The following SPTBN2 variants were observed in gnomAD, a reference collection of about 807,000 sequenced individuals.
SPTBN2 encodes the protein spectrin beta, non-erythrocytic 2, also known as spectrin beta chain, non-erythrocytic 2.
SPTBN2 carries 107 observed loss-of-function variants against 284.2 expected under a neutral mutation model. The observed-to-expected ratio is 0.38, with a 90% CI of 0.32 to 0.44. SPTBN2 has a LOEUF of 0.44. Among genes scored for constraint, SPTBN2 ranks in the 20% least tolerant of loss-of-function variants. The pLI, the probability that SPTBN2 is intolerant of heterozygous loss-of-function variation, is 1.00. For missense variants in SPTBN2, 2,569 were observed against 3,287.1 expected, an observed-to-expected ratio of 0.78 and a Z score of 5.34; for synonymous variants, 1,289 against 1,354.8, an observed-to-expected ratio of 0.95 and a Z score of 1.07.
At chr11:66,727,485 C>T (rs77172959) in intron 1 of SPTBN2, among the ~76,000 whole-genome samples, 3,058 of 152,334 alleles carry the variant, frequency 0.02, 114 homozygotes, top group African/African-American at 0.068. Context: ...GCACCGGAGC[C>T]GGAACACCCC....
At chr11:66,722,100 G>A (rs1942432123) in intron 1 of SPTBN2, among the ~76,000 whole-genome samples, 1 of 152,172 alleles carries the variant, frequency 6.6e-6, no homozygotes, top group Admixed American at 6.5e-5. Flanking sequence ...GTTCAAAGGA[G>A]GACACAGTAT....
chr11:66,715,816 T>C lies in SPTBN2; in HGVS notation c.309+14A>G. 1 of 1,613,768 alleles carries C rather than the reference T, an allele frequency of 6.2e-7. No homozygotes were observed. Among genetic ancestry groups the C allele is most frequent in the Non-Finnish European group, 8.5e-7 (1 of 1,179,908 alleles). On this transcript the variant is annotated intron_variant, in intron 4 of 37. Coordinates refer to ENST00000533211, the MANE Select transcript of SPTBN2 (RefSeq NM_006946.4). The surrounding 1 kb of genome is among the most constrained non-coding windows in gnomAD (Gnocchi z 5.3). ...TCTAAGGCCCCCCCACTTCCCTTCA[T>C]GACCACAGCTCACCAGTATCTCTCC...
intron 27 of SPTBN2, among the ~76,000 whole-genome samples, chr11:66,690,545 T>A (rs1940471660): frequency 6.6e-6 from 1 of 152,136 alleles, no homozygotes; most frequent in Non-Finnish European, 1.5e-5. Context: ...CAGAGGCCTG[T>A]CTAGGATGTG....
Position 66,714,500 on chromosome 11 carries a change from A to C in SPTBN2, c.484-93T>G. ...GATAAATGGCAGGAAACTGCTCTTT[A>C]GACTGTGGTAATGGGGTGGACAGGC... On this transcript the variant is annotated intron_variant, in intron 5 of 37. Coordinates refer to ENST00000533211, the MANE Select transcript of SPTBN2 (RefSeq NM_006946.4). 4.4e-6 allele frequency: 5 copies of C among 1,136,010 alleles called. No individual in the cohort carries two copies. The South Asian group carries it at 5.0e-5, about 11-fold the overall frequency. 70.4% of individuals were successfully genotyped at this position (1,136,010 alleles called of 1,614,324 possible). A position where few individuals can be genotyped will look rare whatever the true frequency, so the allele number is the denominator to read the frequency against.
Position 66,689,275 on chromosome 11 carries a change from CT to C in SPTBN2, c.5950-96del, listed in dbSNP as rs939060115. On this transcript the variant is annotated intron_variant, in intron 29 of 37. Coordinates refer to ENST00000533211, the MANE Select transcript of SPTBN2 (RefSeq NM_006946.4). ...ATCCAGGGGGACAGGTGATTTCTTTCTTTCTTTCTTTTTTTTGAGACGGAGT... is the reference window on the plus strand; with the variant it reads ...ATCCAGGGGGACAGGTGATTTCTTTCTTCTTTCTTTTTTTTGAGACGGAGT... 5.2e-5 allele frequency: 70 copies of C among 1,334,932 alleles called. No homozygotes were observed. The African/African-American group carries it at 9.7e-4, about 18-fold the overall frequency. The allele number at this position is 1,334,932 out of a possible 1,614,324, so 82.7% of individuals were successfully genotyped here. A position where few individuals can be genotyped will look rare whatever the true frequency, so the allele number is the denominator to read the frequency against.
At chr11:66,741,457 C>A (rs888063600) in intron 1 of SPTBN2, among the ~76,000 whole-genome samples, 1 of 152,110 alleles carries the variant, frequency 6.6e-6, no homozygotes, top group Non-Finnish European at 1.5e-5. Flanking sequence ...TACCCAGTGT[C>A]GGGTATGTCT....
chr11:66,713,250 C>T (rs1487457558), intron 8 of SPTBN2, among the ~76,000 whole-genome samples: 1 of 151,330 alleles, frequency 6.6e-6, no homozygotes, highest in African/African-American at 2.4e-5. Context: ...AAATGATTGT[C>T]ACACCATAAA....
intron 21 of SPTBN2, among the ~76,000 whole-genome samples, chr11:66,695,268 A>T (rs553127445): frequency 6.6e-6 from 1 of 152,152 alleles, no homozygotes; most frequent in Non-Finnish European, 1.5e-5. Context: ...TTTTTAAAAA[A>T]TTTTTTGAGA....
Position 66,708,019 on chromosome 11 carries a change from C to G in SPTBN2, c.1350+122G>C. 1 of 1,526,784 alleles carries G rather than the reference C, an allele frequency of 6.5e-7. No individual in the cohort carries two copies. Among genetic ancestry groups the G allele is most frequent in the South Asian group, 1.1e-5 (1 of 87,292 alleles). 94.6% of individuals were successfully genotyped at this position (1,526,784 alleles called of 1,614,324 possible). A position where few individuals can be genotyped will look rare whatever the true frequency, so the allele number is the denominator to read the frequency against. ...GGCCCCTGGCTCCCGGACCTCTAGGCCTTTTTACCCAGGTGACGGATTTTG... is the reference window on the plus strand; with the variant it reads ...GGCCCCTGGCTCCCGGACCTCTAGGGCTTTTTACCCAGGTGACGGATTTTG... On this transcript the variant is annotated intron_variant, in intron 12 of 37. Coordinates refer to ENST00000533211, the MANE Select transcript of SPTBN2 (RefSeq NM_006946.4). This position sits in a 1 kb window ranked among gnomAD's most constrained non-coding sequence, Gnocchi z 4.4.
intron 22 of SPTBN2, 90 bp downstream of exon 22, chr11:66,694,049 G>T: frequency 1.3e-6 from 2 of 1,493,814 alleles, no homozygotes; most frequent in South Asian, 1.1e-5. Flanking sequence ...AGGGAATAGA[G>T]CCCTGCTGGC....
chr11:66,698,932 C>A (rs911215894), intron 19 of SPTBN2, 60 bp downstream of exon 19: 12 of 1,607,698 alleles, frequency 7.5e-6, no homozygotes, highest in Non-Finnish European at 7.7e-6. Context: ...TGGACTTATT[C>A]TAGGCTCAAG....
In SPTBN2 at chr11:66,708,303, T is replaced by C. The variant is rs1941677378; in HGVS notation, c.1192-4A>G. Reference sequence around the variant, plus strand: ...CCTTCTCCAGCCGCTCCCAAGCCTATGGGGTGGGGACAGGGTTAGTGGAAG... The same window carrying C: ...CCTTCTCCAGCCGCTCCCAAGCCTACGGGGTGGGGACAGGGTTAGTGGAAG... On this transcript the variant is annotated splice_polypyrimidine_tract_variant and splice_region_variant and intron_variant, in intron 11 of 37. Transcript: ENST00000533211. The surrounding 1 kb of genome is among the most constrained non-coding windows in gnomAD (Gnocchi z 4.4). The C allele has an allele frequency of 2.5e-6, 4 of 1,583,114 alleles. No homozygotes were observed. The highest frequency in any genetic ancestry group is 2.3e-5 in the South Asian group (2 of 88,072).
chr11:66,701,332 G>A, intron 16 of SPTBN2, 50 bp from the exon 17 acceptor site: 2 of 1,602,060 alleles, frequency 1.2e-6, no homozygotes, highest in Non-Finnish European at 8.5e-7. Context: ...GGCCTGTTTG[G>A]AAGCTTCTTC....
chr11:66,730,347 G>A (rs140345234), upstream of SPTBN2, among the ~76,000 whole-genome samples: 1,647 of 152,030 alleles, frequency 0.011, 37 homozygotes, highest in African/African-American at 0.037. Flanking sequence ...ACTTTGGGAG[G>A]CCGAGGCAGG....
intron 1 of SPTBN2, among the ~76,000 whole-genome samples, chr11:66,740,178 A>G (rs1388045160): frequency 6.6e-6 from 1 of 152,236 alleles, no homozygotes; most frequent in African/African-American, 2.4e-5. Flanking sequence ...GAGAAATCAG[A>G]CTTTGTGCAA....
At position 66,691,543 on chromosome 11, in the gene SPTBN2, C is replaced by A; in HGVS notation, c.5306G>T (p.Arg1769Leu). ...GTCCTTCCACTCGGCCACGGTGGCC[C>A]GTGCAGCATGGCCCCCAGCAATGAG... is the stretch of plus-strand genomic sequence containing the variant. ...NGLIAGGHAA[R>L]ATVAEWKDSL... Residue 1769 changes from arginine (R) to leucine (L), a missense_variant, in exon 27 of 38, where the codon CGG becomes CTG. Arg to Leu is a moderately radical substitution (Grantham distance 102, BLOSUM62 -2). Transcript: ENST00000533211. This position sits in a 1 kb window ranked among gnomAD's most constrained non-coding sequence, Gnocchi z 8.0. The A allele has an allele frequency of 6.2e-7, 1 of 1,613,266 alleles. No individual in the cohort carries two copies. Among genetic ancestry groups the A allele is most frequent in the Non-Finnish European group, 8.5e-7 (1 of 1,180,046 alleles).
intron 1 of SPTBN2, among the ~76,000 whole-genome samples, chr11:66,744,190 A>G (rs1942932790): frequency 1.3e-5 from 2 of 152,284 alleles, no homozygotes; most frequent in East Asian, 3.9e-4. Context: ...TCAGATTAGT[A>G]ATTTTTTAGT....
intron 31 of SPTBN2, 114 bp downstream of exon 31, chr11:66,688,539 A>C: frequency 6.7e-7 from 1 of 1,489,028 alleles, no homozygotes; most frequent in Non-Finnish European, 9.1e-7. Context: ...CTCAGCTCAC[A>C]TCTGGGGGCC....
rs919664343 is a variant in SPTBN2, at chr11:66,707,905, A to T, written c.1351-87T>A. Reference sequence around the variant, plus strand: ...CTGTCCTGCAGGGCACTTGGCCTGCAAGATCCCAGCTCCATGCGGTGGCTC... The same window carrying T: ...CTGTCCTGCAGGGCACTTGGCCTGCTAGATCCCAGCTCCATGCGGTGGCTC... On this transcript the variant is annotated intron_variant, in intron 12 of 37. Coordinates refer to ENST00000533211, the MANE Select transcript of SPTBN2 (RefSeq NM_006946.4). The surrounding 1 kb of genome is among the most constrained non-coding windows in gnomAD (Gnocchi z 4.9). 282 of 1,537,204 alleles carry T rather than the reference A, an allele frequency of 1.8e-4. No individual in the cohort carries two copies. The highest frequency in any genetic ancestry group is 2.3e-4 in the Non-Finnish European group (264 of 1,135,498).
Sources: allele counts gnomAD v4.1 joint callset (sites outside exome capture counted in the v4.1 genomes callset), GRCh38; gene constraint gnomAD v4.1.1; non-coding constraint Gnocchi (gnomAD v3.1); transcripts MANE v1.5; gene names NCBI Gene and HGNC (gene_info 2026-07-23, HGNC 2026-07-21).